Variants in LRFN5 observed in about 807,000 individuals in gnomAD.
LRFN5 encodes the protein leucine-rich repeat and fibronectin type-III domain-containing protein 5.
In LRFN5, 24 loss-of-function variants were observed where a neutral mutation model predicts 45.6. The observed-to-expected ratio is 0.53, with a 90% CI of 0.38 to 0.74. LRFN5 has a LOEUF of 0.74. Among genes scored for constraint, LRFN5 ranks in the 30% least tolerant of loss-of-function variants. LRFN5 has a pLI of 0.00. For missense variants in LRFN5, 776 were observed against 861.5 expected (o/e 0.90, Z 1.24); for synonymous variants, 340 against 313.8 (o/e 1.08, Z -0.88).
Position 41,876,277 on chromosome 14 carries a change from C to CTTTTTTTTTTTTT in LRFN5, c.-20-10320_-20-10308dup, listed in dbSNP as rs34291427. Among the ~76,000 whole-genome samples the CTTTTTTTTTTTTT allele has an allele frequency of 4.6e-4, 46 of 100,596 alleles. 1 individual carries two copies. Among genetic ancestry groups the CTTTTTTTTTTTTT allele is most frequent in the Non-Finnish European group, 6.3e-4 (33 of 52,160 alleles). 66.0% of individuals were successfully genotyped at this position (100,596 alleles called of 152,430 possible). A position where few individuals can be genotyped will look rare whatever the true frequency, so the allele number is the denominator to read the frequency against. On this transcript the variant is annotated intron_variant, in intron 2 of 5. Transcript: ENST00000298119. ...GGAATGCGTAATTGTCTTTTTCTTTCTTTTTTTTTTTTTTTTTTTTTGAGA... is the reference window on the plus strand; with the variant it reads ...GGAATGCGTAATTGTCTTTTTCTTTCTTTTTTTTTTTTTTTTTTTTTTTTTTTTTTTTTTGAGA...
At chr14:41,720,226 A>G (rs1246691244) in intron 1 of LRFN5, among the ~76,000 whole-genome samples, 1 of 152,120 alleles carries the variant, frequency 6.6e-6, no homozygotes, top group East Asian at 1.9e-4. Flanking sequence ...TTTACTTAGG[A>G]TAATGGTATC....
At chr14:41,823,912 C>T (rs1186781146) in intron 2 of LRFN5, among the ~76,000 whole-genome samples, 3 of 151,986 alleles carry the variant, frequency 2.0e-5, no homozygotes, top group Admixed American at 2.0e-4. Flanking sequence ...ATTCAAAAGA[C>T]CTGTCTTTAA....
intron 2 of LRFN5, among the ~76,000 whole-genome samples, chr14:41,794,642 A>G (rs547797216): frequency 1.3e-5 from 2 of 152,076 alleles, no homozygotes; most frequent in Non-Finnish European, 2.9e-5. Context: ...ACTGACATCA[A>G]TAAGTGAAGG....
At chr14:41,838,259 T>A (rs1213124632) in intron 2 of LRFN5, among the ~76,000 whole-genome samples, 1 of 152,214 alleles carries the variant, frequency 6.6e-6, no homozygotes, top group Admixed American at 6.5e-5. Context: ...TAAACTATTA[T>A]GAGATTTTAA....
intron 2 of LRFN5, among the ~76,000 whole-genome samples, chr14:41,809,358 T>C (rs1566457198): frequency 2.0e-5 from 3 of 152,050 alleles, no homozygotes; most frequent in African/African-American, 7.2e-5. Context: ...TCTAAAATAG[T>C]AGTCAGGCAC....
chr14:41,896,906 C>CG (rs1890957991), intron 4 of LRFN5, among the ~76,000 whole-genome samples: 1 of 151,666 alleles, frequency 6.6e-6, no homozygotes, highest in Admixed American at 6.6e-5. Flanking sequence ...TCCTGGCCAA[C>CG]GTGGTGAAAC....
chr14:41,766,754 G>T (rs1231873175), intron 1 of LRFN5, 100 bp from the exon 2 acceptor site: 1 of 152,290 alleles, frequency 6.6e-6, no homozygotes, highest in African/African-American at 2.4e-5. Flanking sequence ...TCCTGCTGTA[G>T]TTTGAGATTG....
intron 2 of LRFN5, among the ~76,000 whole-genome samples, chr14:41,874,021 A>G (rs1890108956): frequency 6.6e-6 from 1 of 152,234 alleles, no homozygotes; most frequent in Non-Finnish European, 1.5e-5. Flanking sequence ...AGTTAATAGC[A>G]TTCAAATTTG....
At chr14:41,674,381 A>G (rs1216827026) in intron 1 of LRFN5, among the ~76,000 whole-genome samples, 1 of 110,872 alleles carries the variant, frequency 9.0e-6, no homozygotes, top group African/African-American at 3.5e-5. Flanking sequence ...CGGGGGGCTG[A>G]CCCCCCCACC....
intron 2 of LRFN5, among the ~76,000 whole-genome samples, chr14:41,885,257 C>T (rs1050996051): frequency 2.0e-5 from 3 of 148,384 alleles, no homozygotes; most frequent in Admixed American, 6.8e-5. Flanking sequence ...CTGAGGAGGT[C>T]GAGACTGCAG....
chr14:41,850,536 A>G (rs185412896), intron 2 of LRFN5, among the ~76,000 whole-genome samples: 1 of 152,050 alleles, frequency 6.6e-6, no homozygotes, highest in East Asian at 1.9e-4. Flanking sequence ...ATGGGACTAC[A>G]TACCACACCA....
At chr14:41,623,160 G>A (rs1248613385) in intron 1 of LRFN5, among the ~76,000 whole-genome samples, 1 of 151,990 alleles carries the variant, frequency 6.6e-6, no homozygotes, top group Non-Finnish European at 1.5e-5. Context: ...CAGGACCACA[G>A]CATTTCTACA....
chr14:41,876,951 G>A (rs1279238028), intron 2 of LRFN5, among the ~76,000 whole-genome samples: 2 of 152,026 alleles, frequency 1.3e-5, no homozygotes, highest in African/African-American at 4.8e-5. Flanking sequence ...GAAAATAAAC[G>A]AGTAAATGAC....
At chr14:41,680,930 T>G (rs1307653173) in intron 1 of LRFN5, among the ~76,000 whole-genome samples, 1 of 151,800 alleles carries the variant, frequency 6.6e-6, no homozygotes, top group Non-Finnish European at 1.5e-5. Flanking sequence ...AGAAACAATT[T>G]AAAAGAATCA....
At position 41,619,055 on chromosome 14, in the gene LRFN5, T is replaced by A. The variant is rs1888023511; in HGVS notation, c.-197+10493T>A. Among the ~76,000 whole-genome samples, 5 of 119,316 alleles carry A rather than the reference T, an allele frequency of 4.2e-5. 1 individual carries two copies. In the Admixed American group the frequency reaches 4.3e-4, roughly 10 times the overall value. 78.3% of individuals were successfully genotyped at this position (119,316 alleles called of 152,430 possible). On this transcript the variant is annotated intron_variant, in intron 1 of 5. Coordinates refer to ENST00000298119, the MANE Select transcript of LRFN5 (RefSeq NM_152447.5). ...TTTTCCTCTTGTGCTAGGAGTAATT[T>A]CACCTAAAACCCAAGGGAAAATTTG...
chr14:41,891,197 T>G, intron 3 of LRFN5, 53 bp from the exon 4 acceptor site: 1 of 1,366,018 alleles, frequency 7.3e-7, no homozygotes, highest in Non-Finnish European at 1.0e-6. Context: ...TGACTTTCTG[T>G]GTATGTGTTT....
intron 2 of LRFN5, among the ~76,000 whole-genome samples, chr14:41,831,277 A>T (rs577345641): frequency 2.4e-4 from 37 of 152,280 alleles, no homozygotes; most frequent in Non-Finnish European, 4.7e-4. Flanking sequence ...TTGTAACTTA[A>T]ATACTGAGAT....
chr14:41,749,923 A>G (rs1885060854), intron 1 of LRFN5, among the ~76,000 whole-genome samples: 1 of 152,172 alleles, frequency 6.6e-6, no homozygotes. Context: ...ATGTTAGACA[A>G]CTAGCACATA....
chr14:41,698,525 G>T (rs1882708824), intron 1 of LRFN5, among the ~76,000 whole-genome samples: 1 of 151,982 alleles, frequency 6.6e-6, no homozygotes, highest in East Asian at 1.9e-4. Flanking sequence ...ATTGGAGCCT[G>T]TGGGTTTGGC....
Sources: gnomAD v4.1 joint callset for allele counts (sites outside exome capture counted in the v4.1 genomes callset) on GRCh38, gnomAD v4.1.1 for gene constraint, MANE v1.5 for transcripts, NCBI Gene and HGNC (gene_info 2026-07-23, HGNC 2026-07-21) for gene names.